Variants in CACNA1B observed in about 807,000 individuals in gnomAD.
CACNA1B encodes the protein voltage-dependent N-type calcium channel subunit alpha-1B.
In CACNA1B, 70 loss-of-function variants were observed where a neutral mutation model predicts 247.2. That is an observed-to-expected ratio of 0.28 (90% CI 0.23 to 0.35). The LOEUF is 0.35. Ranked by LOEUF, CACNA1B falls within the 10% of genes least tolerant of loss-of-function variation. The pLI is 1.00. For synonymous variants in CACNA1B, 1,231 were observed against 1,294.4 expected (o/e 0.95, Z 1.05); for missense variants, 2,367 against 3,197.4 (o/e 0.74, Z 6.26).
intron 3 of CACNA1B, among the ~76,000 whole-genome samples, chr9:137,886,168 A>G (rs1380924991): frequency 9.9e-5 from 15 of 151,952 alleles, no homozygotes; most frequent in Non-Finnish European, 1.8e-4. Context: ...CCGGCTTCCA[A>G]TAACACCGTG....
At position 137,924,295 on chromosome 9, in the gene CACNA1B, GCCTGCCTTCCTTCCTTCCTTCTTT is replaced by G. The variant is rs1304769919; in HGVS notation, c.966+6868_966+6891del. Among the ~76,000 whole-genome samples the G allele has an allele frequency of 2.3e-4, 35 of 149,712 alleles. 1 individual carries two copies. Among genetic ancestry groups the G allele is most frequent in the Admixed American group, 2.2e-3 (33 of 15,000 alleles). On this transcript the variant is annotated intron_variant, in intron 6 of 46. Transcript: ENST00000371372. ...TAATAAAAGTGTGAGGTTTTTGCCTGCCTGCCTTCCTTCCTTCCTTCTTTCCTTCCTCCCTCCCTTCCTTCCTCC... is the reference window on the plus strand; with the variant it reads ...TAATAAAAGTGTGAGGTTTTTGCCTGCCTTCCTCCCTCCCTTCCTTCCTCC...
At chr9:138,074,669 C>T (rs1468845766) in intron 34 of CACNA1B, among the ~76,000 whole-genome samples, 1 of 152,266 alleles carries the variant, frequency 6.6e-6, no homozygotes, top group Non-Finnish European at 1.5e-5. Context: ...GCCACCTCAA[C>T]AGGTGGATGC....
At chr9:137,949,479 G>GCA (rs1246078308) in intron 6 of CACNA1B, among the ~76,000 whole-genome samples, 151 of 150,872 alleles carry the variant, frequency 1.0e-3, no homozygotes, top group Middle Eastern at 3.4e-3. Flanking sequence ...GTGTATGCAT[G>GCA]TGTGTGTCGT....
chr9:137,965,561 A>G (rs1277898977), intron 10 of CACNA1B, among the ~76,000 whole-genome samples: 2 of 151,404 alleles, frequency 1.3e-5, no homozygotes, highest in African/African-American at 4.9e-5. Context: ...GCATGCCTGT[A>G]GTCCTACTTC....
intron 36 of CACNA1B, among the ~76,000 whole-genome samples, chr9:138,086,297 A>G (rs948025239): frequency 2.0e-5 from 3 of 151,266 alleles, no homozygotes; most frequent in Non-Finnish European, 2.9e-5. Flanking sequence ...AACATACTCC[A>G]CGTAAACAGA....
chr9:138,117,611 GA>G (rs1831034237), intron 42 of CACNA1B, among the ~76,000 whole-genome samples: 2 of 152,202 alleles, frequency 1.3e-5, no homozygotes, highest in Admixed American at 1.3e-4. Context: ...TTGTCCAGAG[GA>G]GCGGGTGACG....
intron 23 of CACNA1B, among the ~76,000 whole-genome samples, chr9:138,048,903 A>G (rs1959207255): frequency 2.0e-5 from 3 of 152,204 alleles, no homozygotes; most frequent in Non-Finnish European, 4.4e-5. Context: ...TGTTTAGTAG[A>G]GATGGGGTTT....
intron 31 of CACNA1B, among the ~76,000 whole-genome samples, chr9:138,061,153 G>A (rs1391086484): frequency 1.3e-5 from 2 of 152,248 alleles, no homozygotes; most frequent in African/African-American, 4.8e-5. Context: ...GAATTATGCA[G>A]TGGCAGCTCT....
In CACNA1B at chr9:138,118,707, A is replaced by T. The variant is rs749594737; in HGVS notation, c.5969A>T (p.Gln1990Leu). 6 of 1,566,066 alleles carry T rather than the reference A, an allele frequency of 3.8e-6. No homozygotes were observed. The East Asian group carries it at 1.4e-4, about 37-fold the overall frequency. ...CGGAGGGGCCCTGATGGGGAGCCCCAGCCTGGGCTGGAGAGCCAGGGTCGA... is the reference window on the plus strand; with the variant it reads ...CGGAGGGGCCCTGATGGGGAGCCCCTGCCTGGGCTGGAGAGCCAGGGTCGA... ...ITRRGPDGEP[Q>L]PGLESQGRAA... Residue 1990 changes from glutamine (Q) to leucine (L), a missense_variant, in exon 44 of 47, where the codon CAG becomes CTG. Gln to Leu is a moderately radical substitution (Grantham distance 113, BLOSUM62 -2). Transcript: ENST00000371372.
At chr9:137,909,369 A>C (rs970609958) in intron 3 of CACNA1B, among the ~76,000 whole-genome samples, 1 of 152,086 alleles carries the variant, frequency 6.6e-6, no homozygotes, top group Non-Finnish European at 1.5e-5. Flanking sequence ...CCCTTCCTTC[A>C]GCCTTGGCTT....
rs759189262 is a variant in CACNA1B at position 137,878,177 on chromosome 9, A to G, written c.244A>G (p.Asn82Asp). The G allele has an allele frequency of 3.1e-6, 4 of 1,310,176 alleles. No homozygotes were observed. The highest frequency in any genetic ancestry group is 1.5e-5 in the African/African-American group (1 of 65,782). 81.2% of individuals were successfully genotyped at this position (1,310,176 alleles called of 1,614,324 possible). ...NRSLFVFSEDNVVRKYAKRIT... is the reference protein window; with the variant it reads ...NRSLFVFSEDDVVRKYAKRIT... The stretch of plus-strand genomic sequence containing the variant: ...CTCGCTCTTCGTCTTCAGCGAGGAC[A>G]ACGTCGTCCGCAAATACGCGAAGCG... The change falls in exon 1 of 47, where the codon AAC (asparagine) becomes GAC (aspartate). Residue 82 changes from asparagine (N) to aspartate (D), a missense_variant. Coordinates refer to ENST00000371372, the MANE Select transcript of CACNA1B (RefSeq NM_000718.4).
Position 138,118,017 on chromosome 9 carries a change from A to G in CACNA1B, c.5849A>G (p.Glu1950Gly). ...CAAAGGACCCAGGATGCACCCCATG[A>G]GGCCAGGCCACCCCTGGAGCGTGGC... ...GTQRTQDAPHEARPPLERGHS... is the reference protein window; with the variant it reads ...GTQRTQDAPHGARPPLERGHS... The change falls in exon 43 of 47, where the codon GAG (glutamate) becomes GGG (glycine). Residue 1950 changes from glutamate to glycine, a missense_variant. Physicochemically the swap from Glu to Gly is moderately conservative, Grantham distance 98 (BLOSUM62 -2). Transcript: ENST00000371372. 3.7e-6 allele frequency: 6 copies of G among 1,600,212 alleles called. No homozygotes were observed. The highest frequency in any genetic ancestry group is 5.1e-6 in the Non-Finnish European group (6 of 1,173,370).
Position 138,059,070 on chromosome 9 carries a change from C to T in CACNA1B, c.4474-9C>T. The T allele has an allele frequency of 6.4e-7, 1 of 1,567,090 alleles. No homozygotes were observed. The highest frequency in any genetic ancestry group is 1.1e-5 in the South Asian group (1 of 89,584). On this transcript the variant is annotated splice_polypyrimidine_tract_variant and intron_variant, in intron 29 of 46. Transcript: ENST00000371372. The surrounding 1 kb of genome is among the most constrained non-coding windows in gnomAD (Gnocchi z 4.2). Reference sequence around the variant, plus strand: ...AACCCATGGCCAACAGTGCCTATTCCCCGGGCAGTTCTATGATGCACCCTA... The same window carrying T: ...AACCCATGGCCAACAGTGCCTATTCTCCGGGCAGTTCTATGATGCACCCTA...
intron 36 of CACNA1B, among the ~76,000 whole-genome samples, chr9:138,091,120 G>A (rs1275737744): frequency 6.6e-6 from 1 of 152,118 alleles, no homozygotes; most frequent in Non-Finnish European, 1.5e-5. Flanking sequence ...CAGTAGCCAA[G>A]ATATGGAATC....
Position 138,102,876 on chromosome 9 carries a change from C to G in CACNA1B, c.5319+69C>G. The G allele has an allele frequency of 1.1e-6, 1 of 908,036 alleles. No individual in the cohort carries two copies. The highest frequency in any genetic ancestry group is 1.7e-6 in the Non-Finnish European group (1 of 579,462). The allele number at this position is 908,036 out of a possible 1,614,324, so 56.2% of individuals were successfully genotyped here. On this transcript the variant is annotated intron_variant, in intron 38 of 46. Transcript: ENST00000371372. This position sits in a 1 kb window ranked among gnomAD's most constrained non-coding sequence, Gnocchi z 5.4. ...GCTTGCTGAGGGGTGCTTGCTGGCT[C>G]TCCCAGCTCCTCTCCCTTTCAGGGT...
At chr9:138,091,443 G>C (rs1328845346) in intron 36 of CACNA1B, among the ~76,000 whole-genome samples, 1 of 152,176 alleles carries the variant, frequency 6.6e-6, no homozygotes, top group African/African-American at 2.4e-5. Flanking sequence ...AGTACAGCTA[G>C]ACAGGTGAAA....
At chr9:138,117,287 G>A (rs972605637) in intron 42 of CACNA1B, among the ~76,000 whole-genome samples, 1 of 40,378 alleles carries the variant, frequency 2.5e-5, no homozygotes. Context: ...TGTGGCTTGG[G>A]GGGGGGGTCA....
chr9:138,100,394 G>A lies in CACNA1B; in HGVS notation c.5223-2317G>A, dbSNP rs1961212061. On this transcript the variant is annotated intron_variant, in intron 37 of 46. Coordinates refer to ENST00000371372, the MANE Select transcript of CACNA1B (RefSeq NM_000718.4). The surrounding 1 kb of genome is among the most constrained non-coding windows in gnomAD (Gnocchi z 4.6). ...CACACTTTCCACCTGGGCTTGATGG[G>A]CAGGGACAGCTGGGGAGGGTGGGGG... is the stretch of plus-strand genomic sequence containing the variant. 6.6e-6 allele frequency among the ~76,000 whole-genome samples: 1 copy of A among 152,206 alleles called. No individual in the cohort carries two copies. The highest frequency in any genetic ancestry group is 2.1e-4 in the South Asian group (1 of 4,828).
chr9:138,107,829 C>T (rs1961484074), intron 39 of CACNA1B, among the ~76,000 whole-genome samples: 1 of 151,894 alleles, frequency 6.6e-6, no homozygotes, highest in Non-Finnish European at 1.5e-5. Flanking sequence ...TACTAAAATA[C>T]AAAAAATTAG....
Sources: allele counts gnomAD v4.1 joint callset (sites outside exome capture counted in the v4.1 genomes callset), GRCh38; gene constraint gnomAD v4.1.1; non-coding constraint Gnocchi (gnomAD v3.1); transcripts MANE v1.5; gene names NCBI Gene and HGNC (gene_info 2026-07-23, HGNC 2026-07-21).